The following MORC1 variants were observed in gnomAD, a reference collection of about 807,000 sequenced individuals.
The protein encoded by MORC1 is MORC family CW-type zinc finger protein 1.
In MORC1, 59 loss-of-function variants were observed where a neutral mutation model predicts 134.9. The observed-to-expected ratio is 0.44, with a 90% CI of 0.35 to 0.54. The LOEUF (loss-of-function observed/expected upper bound fraction) is 0.54, where lower values mean the gene tolerates loss of function less well. Ranked by LOEUF, MORC1 falls within the 20% of genes least tolerant of loss-of-function variation. The pLI, the probability that MORC1 is intolerant of heterozygous loss-of-function variation, is 0.00. For synonymous variants in MORC1, 395 were observed against 391.7 expected (o/e 1.01, Z -0.10); for missense variants, 947 against 1,134.5 (o/e 0.83, Z 2.37).
Position 109,032,834 on chromosome 3 carries a change from C to A in MORC1, c.1460-9G>T, listed in dbSNP as rs1949270856. ...CCATTTAAGACAAAGATCTGACAATCAAAACAAAATGACACAGAAAAGAGA... is the reference window on the plus strand; with the variant it reads ...CCATTTAAGACAAAGATCTGACAATAAAAACAAAATGACACAGAAAAGAGA... On this transcript the variant is annotated splice_polypyrimidine_tract_variant and intron_variant, in intron 15 of 27. Transcript: ENST00000232603. 6.7e-7 allele frequency: 1 copy of A among 1,496,962 alleles called. No homozygotes were observed. The highest frequency in any genetic ancestry group is 1.4e-5 in the African/African-American group (1 of 71,734). 92.7% of individuals were successfully genotyped at this position (1,496,962 alleles called of 1,614,324 possible).
chr3:109,019,892 G>C (rs1289128857), intron 17 of MORC1, among the ~76,000 whole-genome samples: 1 of 152,244 alleles, frequency 6.6e-6, no homozygotes, highest in African/African-American at 2.4e-5. Context: ...GAAATCTTGG[G>C]GGAGAGATTG....
chr3:109,006,975 C>T, intron 18 of MORC1, 54 bp downstream of exon 18: 4 of 1,475,250 alleles, frequency 2.7e-6, no homozygotes, highest in Non-Finnish European at 3.7e-6. Context: ...AAGGCTTCTC[C>T]TTCACATGGT....
At chr3:109,047,260 A>C (rs1035098560) in intron 14 of MORC1, among the ~76,000 whole-genome samples, 2 of 152,174 alleles carry the variant, frequency 1.3e-5, no homozygotes, top group Non-Finnish European at 2.9e-5. Flanking sequence ...CAGGCTGATG[A>C]GGAGAGTTTT....
chr3:108,973,860 T>C (rs1947467290), intron 24 of MORC1, among the ~76,000 whole-genome samples: 1 of 152,136 alleles, frequency 6.6e-6, no homozygotes, highest in South Asian at 2.1e-4. Context: ...CCTCCCAAAG[T>C]TCTGGGATTA....
chr3:109,030,359 T>C (rs1321454613), intron 16 of MORC1, among the ~76,000 whole-genome samples: 5 of 152,176 alleles, frequency 3.3e-5, no homozygotes, highest in Admixed American at 6.6e-5. Context: ...TCCTACCATT[T>C]TGAATCAAAG....
At chr3:109,101,572 C>T (rs1395326992) in intron 4 of MORC1, 3 of 152,112 alleles carry the variant, frequency 2.0e-5, no homozygotes, top group African/African-American at 7.3e-5. Flanking sequence ...GTGTAAAAGC[C>T]ACCAAACATT....
At chr3:109,067,408 G>C (rs1259755297) in intron 9 of MORC1, among the ~76,000 whole-genome samples, 2 of 152,194 alleles carry the variant, frequency 1.3e-5, no homozygotes, top group East Asian at 3.9e-4. Context: ...GACTCCTCCA[G>C]AGACAAATTT....
intron 9 of MORC1, among the ~76,000 whole-genome samples, chr3:109,065,018 G>C (rs1213366064): frequency 6.6e-6 from 1 of 152,116 alleles, no homozygotes; most frequent in Non-Finnish European, 1.5e-5. Context: ...GGCAAGTCTT[G>C]CTGGCTTTAC....
chr3:109,085,968 C>T (rs371791076), intron 8 of MORC1, among the ~76,000 whole-genome samples: 1 of 151,908 alleles, frequency 6.6e-6, no homozygotes, highest in African/African-American at 2.4e-5. Flanking sequence ...GAGGTCATTA[C>T]GTTAAGTGAA....
chr3:108,991,730 T>C (rs1219619772), intron 21 of MORC1, among the ~76,000 whole-genome samples: 1 of 152,194 alleles, frequency 6.6e-6, no homozygotes. Flanking sequence ...CACGTGAATG[T>C]CTTGCTGAAA....
At chr3:109,070,399 C>T (rs957119463) in intron 8 of MORC1, among the ~76,000 whole-genome samples, 2 of 152,120 alleles carry the variant, frequency 1.3e-5, no homozygotes, top group Non-Finnish European at 2.9e-5. Flanking sequence ...ATGAAGAAAA[C>T]TACCCTTGTA....
chr3:109,054,385 G>A (rs1247432704), intron 14 of MORC1, among the ~76,000 whole-genome samples: 2 of 152,114 alleles, frequency 1.3e-5, no homozygotes, highest in Admixed American at 1.3e-4. Context: ...AGGTCTGCAT[G>A]GGACTATGTG....
intron 8 of MORC1, among the ~76,000 whole-genome samples, chr3:109,073,258 C>T (rs896055419): frequency 3.3e-5 from 5 of 152,180 alleles, no homozygotes; most frequent in Non-Finnish European, 4.4e-5. Flanking sequence ...GTGTTGCAGT[C>T]ATCAAACTGT....
At position 109,003,391 on chromosome 3, in the gene MORC1, G is replaced by GCACACACACA. The variant is rs3054383; in HGVS notation, c.2085+1416_2085+1425dup. ...ATAGCTTTACATATTATATGTGTAT[G>GCACACACACA]CACACACACACACACACACACACAC... is the stretch of plus-strand genomic sequence containing the variant. On this transcript the variant is annotated intron_variant, in intron 20 of 27. Coordinates refer to ENST00000232603, the MANE Select transcript of MORC1 (RefSeq NM_014429.4). Among the ~76,000 whole-genome samples the GCACACACACA allele has an allele frequency of 5.3e-3, 779 of 146,754 alleles. 8 individuals carry two copies. Among genetic ancestry groups the GCACACACACA allele is most frequent in the East Asian group, 9.9e-3 (48 of 4,844 alleles).
intron 15 of MORC1, among the ~76,000 whole-genome samples, chr3:109,034,333 C>T (rs757324851): frequency 6.6e-6 from 1 of 152,024 alleles, no homozygotes; most frequent in African/African-American, 2.4e-5. Context: ...TTTGTTTGCT[C>T]GTCTGTTTTT....
intron 17 of MORC1, among the ~76,000 whole-genome samples, chr3:109,026,921 A>G (rs1047555944): frequency 2.0e-5 from 3 of 152,168 alleles, no homozygotes; most frequent in Non-Finnish European, 4.4e-5. Context: ...TCTGACTTGC[A>G]CTGCAGAACC....
At position 109,040,432 on chromosome 3, in the gene MORC1, GAAA is replaced by G. The variant is rs1559912653; in HGVS notation, c.1331-4967_1331-4965del. On this transcript the variant is annotated intron_variant, in intron 14 of 27. Coordinates refer to ENST00000232603, the MANE Select transcript of MORC1 (RefSeq NM_014429.4). Reference sequence around the variant, plus strand: ...GGAAGGAAGGAAGGAAGGAAGGAAAGAAAGAAAGAAAGAAAGAAAGAAAGAAAG... The same window carrying G: ...GGAAGGAAGGAAGGAAGGAAGGAAAGGAAAGAAAGAAAGAAAGAAAGAAAG... Among the ~76,000 whole-genome samples, 144 of 90,754 alleles carry G rather than the reference GAAA, an allele frequency of 1.6e-3. 2 individuals are homozygous for G. The highest frequency in any genetic ancestry group is 2.2e-3 in the African/African-American group (47 of 21,832). 59.5% of individuals were successfully genotyped at this position (90,754 alleles called of 152,430 possible).
At chr3:109,051,238 T>C (rs187673057) in intron 14 of MORC1, among the ~76,000 whole-genome samples, 2 of 152,346 alleles carry the variant, frequency 1.3e-5, no homozygotes, top group Non-Finnish European at 2.9e-5. Flanking sequence ...TTTCTCTTTT[T>C]GCTGATTCGA....
intron 8 of MORC1, among the ~76,000 whole-genome samples, chr3:109,071,690 T>C (rs940202280): frequency 6.6e-6 from 1 of 152,182 alleles, no homozygotes; most frequent in Non-Finnish European, 1.5e-5. Context: ...GCAACATGTG[T>C]GTGATGTTTC....
Sources: allele counts gnomAD v4.1 joint callset (sites outside exome capture counted in the v4.1 genomes callset), GRCh38; gene constraint gnomAD v4.1.1; transcripts MANE v1.5; gene names NCBI Gene and HGNC (gene_info 2026-07-23, HGNC 2026-07-21).